DYM: variants seen among roughly 807,000 people sequenced by gnomAD.
The protein encoded by DYM is dyggve-Melchior-Clausen syndrome protein.
Under a neutral mutation model 93.1 loss-of-function variants are expected in DYM, and 78 were observed. That is an observed-to-expected ratio of 0.84 (90% confidence interval 0.70 to 1.01). The LOEUF is 1.01. Among genes scored for constraint, DYM ranks in the 50% least tolerant of loss-of-function variants. The pLI, the probability that DYM is intolerant of heterozygous loss-of-function variation, is 0.00. For synonymous variants in DYM, 321 were observed against 319.7 expected (o/e 1.00, Z -0.04); for missense variants, 789 against 845.0 (o/e 0.93, Z 0.82).
chr18:49,114,654 T>G, intron 16 of DYM: 2 of 864,810 alleles, frequency 2.3e-6, no homozygotes, highest in Non-Finnish European at 2.8e-6. Flanking sequence ...CAGAGACTTT[T>G]TTTTTCTTTT....
At chr18:49,220,434 C>T (rs1295130981) in intron 13 of DYM, among the ~76,000 whole-genome samples, 2 of 150,892 alleles carry the variant, frequency 1.3e-5, no homozygotes, top group Admixed American at 6.6e-5. Flanking sequence ...CAAAAAAGAG[C>T]CCACATTGCC....
chr18:49,262,621 T>A (rs892941801), intron 11 of DYM, among the ~76,000 whole-genome samples: 2 of 152,218 alleles, frequency 1.3e-5, no homozygotes, highest in Non-Finnish European at 2.9e-5. Flanking sequence ...TAGTTCTTTT[T>A]TTAAAATGGA....
At chr18:49,103,518 T>C (rs1040225825) in intron 16 of DYM, among the ~76,000 whole-genome samples, 3 of 152,186 alleles carry the variant, frequency 2.0e-5, no homozygotes, top group African/African-American at 7.2e-5. Context: ...ATTGCCTAGG[T>C]TTTCTTCTAG....
At chr18:49,160,972 A>C (rs908652168) in intron 15 of DYM, among the ~76,000 whole-genome samples, 1 of 152,104 alleles carries the variant, frequency 6.6e-6, no homozygotes, top group African/African-American at 2.4e-5. Flanking sequence ...TCTCCTACTG[A>C]ATCAGTGCTA....
chr18:49,133,718 C>G (rs1273529543), intron 15 of DYM, among the ~76,000 whole-genome samples: 1 of 152,216 alleles, frequency 6.6e-6, no homozygotes, highest in Non-Finnish European at 1.5e-5. Flanking sequence ...TCTGGTACAT[C>G]TCTCCTGCTT....
At chr18:49,110,693 T>C (rs946773897) in intron 16 of DYM, among the ~76,000 whole-genome samples, 2 of 152,176 alleles carry the variant, frequency 1.3e-5, no homozygotes, top group African/African-American at 4.8e-5. Flanking sequence ...AAAAATGGAT[T>C]TATCCTGATT....
Position 49,286,458 on chromosome 18 carries a change from T to G in DYM, c.922A>C (p.Ile308Leu), listed in dbSNP as rs2059669974. ...SDAPNPYRQA[I>L]MSFKNTQDSS... is the part of the protein sequence containing the mutation. ...CCTTGTGTGTTCTTGAAGGACATAA[T>G]GGCTTGTCTGTAGGGGTTTGGCGCA... The change falls in exon 9 of 18, where the codon ATT (isoleucine) becomes CTT (leucine). Residue 308 changes from isoleucine to leucine, a missense_variant. Coordinates refer to ENST00000675505, the MANE Select transcript of DYM (RefSeq NM_001353214.3). The G allele has an allele frequency of 4.3e-6, 7 of 1,614,168 alleles. No homozygotes were observed. The highest frequency in any genetic ancestry group is 5.9e-6 in the Non-Finnish European group (7 of 1,179,996).
chr18:49,272,572 T>A (rs1482115742), intron 10 of DYM, among the ~76,000 whole-genome samples: 1 of 152,162 alleles, frequency 6.6e-6, no homozygotes, highest in Non-Finnish European at 1.5e-5. Flanking sequence ...TTTAGGCTCG[T>A]TGTTTGTTTT....
intron 17 of DYM, among the ~76,000 whole-genome samples, chr18:49,082,162 G>C (rs2078104324): frequency 6.6e-6 from 1 of 152,242 alleles, no homozygotes; most frequent in Non-Finnish European, 1.5e-5. Context: ...AATATCAAGA[G>C]TCTTCCATGT....
intron 15 of DYM, chr18:49,126,300 A>T (rs900606360): frequency 2.6e-5 from 4 of 152,222 alleles, no homozygotes; most frequent in African/African-American, 9.6e-5. Context: ...GGGGTAAATT[A>T]TGTACCCTGA....
chr18:49,217,508 G>C lies in DYM; in HGVS notation c.1461-7793C>G, dbSNP rs12456850. ...AATGTTAAGGGCAGCCAGAGAGAAA[G>C]GCCGGGTTACCCACAAAGGGAAGCC... On this transcript the variant is annotated intron_variant, in intron 13 of 17. Transcript: ENST00000675505. Among the ~76,000 whole-genome samples the C allele has an allele frequency of 2.8e-3, 423 of 152,310 alleles. 14 individuals are homozygous for C. The highest frequency in any genetic ancestry group is 0.026 in the Admixed American group (405 of 15,302).
intron 8 of DYM, among the ~76,000 whole-genome samples, chr18:49,317,693 CTTT>C (rs1599381232): frequency 1.2e-4 from 12 of 96,136 alleles, no homozygotes; most frequent in South Asian, 7.2e-4. Context: ...TCCTTCCTTT[CTTT>C]CTTTCTTTCA....
intron 14 of DYM, among the ~76,000 whole-genome samples, chr18:49,188,039 C>A (rs2090617503): frequency 6.6e-6 from 1 of 152,148 alleles, no homozygotes; most frequent in African/African-American, 2.4e-5. Flanking sequence ...GATATACATT[C>A]CCCAATACGT....
rs993742942 is a variant in DYM, at chr18:49,038,679, G to T, written c.*5376C>A. ...ATCACAAATATCTTGCTTTCTATTT[G>T]TTCCACCTGTTCTGCTTTTTCTTCT... On this transcript the variant is annotated 3_prime_UTR_variant, in exon 18 of 18. Transcript: ENST00000675505. 6.6e-6 allele frequency among the ~76,000 whole-genome samples: 1 copy of T among 152,086 alleles called. No homozygotes were observed. Among genetic ancestry groups the T allele is most frequent in the Non-Finnish European group, 1.5e-5 (1 of 67,992 alleles).
Position 49,318,409 on chromosome 18 carries a change from G to A in DYM, c.763+13455C>T, listed in dbSNP as rs539409828. Among the ~76,000 whole-genome samples the A allele has an allele frequency of 1.3e-3, 198 of 152,216 alleles. 1 individual carries two copies. The highest frequency in any genetic ancestry group is 4.4e-3 in the African/African-American group (184 of 41,540). ...CCAAGGCAGGCAGCTCGAGAGGTCA[G>A]GAGATCAAGATAATCCTGGCCAAAA... On this transcript the variant is annotated intron_variant, in intron 8 of 17. Transcript: ENST00000675505.
intron 3 of DYM, chr18:49,390,944 C>T (rs775497638): frequency 8.4e-5 from 13 of 154,116 alleles, no homozygotes; most frequent in Non-Finnish European, 1.7e-4. Context: ...AAAATATATA[C>T]AATTTCCTTC....
chr18:49,260,760 A>C (rs980920834), intron 11 of DYM, among the ~76,000 whole-genome samples: 2 of 152,082 alleles, frequency 1.3e-5, no homozygotes, highest in Non-Finnish European at 2.9e-5. Flanking sequence ...TTTTGAGGGA[A>C]GGCATTATGA....
At chr18:49,199,325 T>C (rs1350994894) in intron 14 of DYM, among the ~76,000 whole-genome samples, 1 of 152,222 alleles carries the variant, frequency 6.6e-6, no homozygotes, top group Non-Finnish European at 1.5e-5. Context: ...CATGTATACA[T>C]ATGTAACAAA....
At chr18:49,254,666 T>G (rs1291849465) in intron 13 of DYM, among the ~76,000 whole-genome samples, 1 of 152,244 alleles carries the variant, frequency 6.6e-6, no homozygotes, top group Non-Finnish European at 1.5e-5. Flanking sequence ...CAAAAACATT[T>G]AATCGTGCTA....
Sources: allele counts gnomAD v4.1 joint callset (sites outside exome capture counted in the v4.1 genomes callset), GRCh38; gene constraint gnomAD v4.1.1; transcripts MANE v1.5; gene names NCBI Gene and HGNC (gene_info 2026-07-23, HGNC 2026-07-21).